The following SIPA1L3 variants were observed in gnomAD, a reference collection of about 807,000 sequenced individuals.
SIPA1L3 encodes the protein signal induced proliferation associated 1 like 3.
SIPA1L3 carries 59 observed loss-of-function variants against 150.1 expected under a neutral mutation model. The observed-to-expected ratio is 0.39, with a 90% CI of 0.32 to 0.49. The LOEUF is 0.49. SIPA1L3 is among the 20% of genes least tolerant of loss of function. The probability of loss-of-function intolerance (pLI) is 0.86; values close to 1 mark genes in which losing one functional copy is unlikely to be tolerated. For missense variants in SIPA1L3, 2,211 were observed against 2,489.5 expected, an observed-to-expected ratio of 0.89 and a Z score of 2.38; for synonymous variants, 1,070 against 1,077.6, an observed-to-expected ratio of 0.99 and a Z score of 0.14.
intron 1 of SIPA1L3, among the ~76,000 whole-genome samples, chr19:37,970,642 A>G (rs1417470770): frequency 6.6e-6 from 1 of 151,776 alleles, no homozygotes; most frequent in Non-Finnish European, 1.5e-5. Flanking sequence ...AGGCGGTTGA[A>G]CCCTCCTCTC....
rs1281436172 is a variant in SIPA1L3, at chr19:38,208,025, G to A, written c.*1785G>A. 4 of 40,142 alleles carry A rather than the reference G, an allele frequency of 1.0e-4. No homozygotes were observed. Among genetic ancestry groups the A allele is most frequent in the South Asian group, 8.3e-4 (1 of 1,206 alleles). The allele number at this position is 40,142 out of a possible 1,614,324, so 2.5% of individuals were successfully genotyped here. ...CACCCCCACCCCTTAGACCCTCATC[G>A]GGTCCCTTTTTTTTTTTTTTTTTCA... On this transcript the variant is annotated 3_prime_UTR_variant, in exon 22 of 22. Transcript: ENST00000222345.
chr19:37,965,317 G>GTTTTTTTTTTTT (rs566071263), intron 1 of SIPA1L3, among the ~76,000 whole-genome samples: 1 of 133,698 alleles, frequency 7.5e-6, no homozygotes, highest in African/African-American at 2.8e-5. Context: ...TATATTTCTA[G>GTTTTTTTTTTTT]TTTTTTTTTT....
intron 1 of SIPA1L3, among the ~76,000 whole-genome samples, chr19:38,010,971 G>A (rs192676245): frequency 1.8e-4 from 27 of 152,266 alleles, no homozygotes; most frequent in Non-Finnish European, 3.8e-4. Context: ...ACACAGAAAC[G>A]TCTCTCCTTA....
chr19:38,182,034 C>T (rs1436523034), intron 15 of SIPA1L3, among the ~76,000 whole-genome samples: 3 of 147,162 alleles, frequency 2.0e-5, no homozygotes, highest in Non-Finnish European at 4.5e-5. Context: ...CCCAGCTACT[C>T]GGAGGCTGAG....
intron 4 of SIPA1L3, among the ~76,000 whole-genome samples, chr19:38,094,760 C>T (rs569246183): frequency 4.0e-4 from 61 of 152,030 alleles, no homozygotes; most frequent in Non-Finnish European, 7.5e-4. Context: ...TAGCGAGACC[C>T]CATCTCTATT....
chr19:37,911,866 C>G (rs922733881), intron 1 of SIPA1L3, among the ~76,000 whole-genome samples: 2 of 151,558 alleles, frequency 1.3e-5, no homozygotes, highest in African/African-American at 4.9e-5. Flanking sequence ...CTCAGGAGAT[C>G]GAGACCATCC....
chr19:38,014,451 C>G, intron 1 of SIPA1L3, among the ~76,000 whole-genome samples: 1 of 151,594 alleles, frequency 6.6e-6, no homozygotes, highest in East Asian at 1.9e-4. Context: ...GCTGAAGGTT[C>G]TGGGGGCAGA....
intron 1 of SIPA1L3, among the ~76,000 whole-genome samples, chr19:37,923,136 CAAAA>C (rs200934890): frequency 1.6e-5 from 2 of 122,604 alleles, no homozygotes; most frequent in African/African-American, 3.0e-5. Flanking sequence ...GACTCCATCT[CAAAA>C]AAAAAAAAAA....
At chr19:37,967,389 G>A (rs113422661) in intron 1 of SIPA1L3, among the ~76,000 whole-genome samples, 22,675 of 151,840 alleles carry the variant, frequency 0.15, 1,906 homozygotes, top group Middle Eastern at 0.28. Flanking sequence ...GAGTAGCTGG[G>A]ATTACAGGCG....
rs965290215 is a variant in SIPA1L3, at chr19:38,203,842, A to C, written c.5121-285A>C. On this transcript the variant is annotated intron_variant, in intron 20 of 21. Coordinates refer to ENST00000222345, the MANE Select transcript of SIPA1L3 (RefSeq NM_015073.3). The stretch of plus-strand genomic sequence containing the variant: ...AAGAAGGGGTCCTCCCTGAAGTCAC[A>C]TGCACGGCCCAGCCTCAGGGAAAAC... 5.1e-5 allele frequency: 21 copies of C among 415,726 alleles called. 1 individual carries two copies. Among genetic ancestry groups the C allele is most frequent in the South Asian group, 2.5e-4 (7 of 28,130 alleles). The allele number at this position is 415,726 out of a possible 1,614,324, so 25.8% of individuals were successfully genotyped here. A position where few individuals can be genotyped will look rare whatever the true frequency, so the allele number is the denominator to read the frequency against.
intron 1 of SIPA1L3, among the ~76,000 whole-genome samples, chr19:38,010,220 A>T (rs1968063542): frequency 6.6e-6 from 1 of 151,756 alleles, no homozygotes; most frequent in African/African-American, 2.4e-5. Context: ...GGGCAATATA[A>T]GGAGACTCTG....
rs150494269 is a variant in SIPA1L3, at chr19:37,957,358, A to G, written c.-379+50000A>G. On this transcript the variant is annotated intron_variant, in intron 1 of 21. Transcript: ENST00000222345. ...GACTGTGTGTTGACTCTACATGTCA[A>G]TATGGTGAGAATTGCCATATTAATG... Among the ~76,000 whole-genome samples, 4 of 152,364 alleles carry G rather than the reference A, an allele frequency of 2.6e-5. No homozygotes were observed. The East Asian group carries it at 5.8e-4, about 22-fold the overall frequency.
At chr19:37,998,351 A>G (rs1486362983) in intron 1 of SIPA1L3, among the ~76,000 whole-genome samples, 2 of 152,176 alleles carry the variant, frequency 1.3e-5, no homozygotes, top group Non-Finnish European at 2.9e-5. Flanking sequence ...TTCCAGGAGT[A>G]TGTGGTAGGA....
chr19:38,084,612 T>G (rs1970083007), intron 3 of SIPA1L3, among the ~76,000 whole-genome samples: 1 of 149,930 alleles, frequency 6.7e-6, no homozygotes, highest in African/African-American at 2.4e-5. Flanking sequence ...AGCTAGGTTT[T>G]TTTTTGTTGT....
At chr19:38,002,145 A>G (rs1259560421) in intron 1 of SIPA1L3, among the ~76,000 whole-genome samples, 1 of 152,216 alleles carries the variant, frequency 6.6e-6, no homozygotes, top group Admixed American at 6.5e-5. Context: ...ATCCATCCAC[A>G]GAACATTTTT....
At chr19:38,065,948 T>TATTTATTA (rs1969575050) in intron 2 of SIPA1L3, among the ~76,000 whole-genome samples, 2 of 146,662 alleles carry the variant, frequency 1.4e-5, no homozygotes, top group South Asian at 4.2e-4. Context: ...TTTATTTATT[T>TATTTATTA]TTGAGGCAAC....
intron 2 of SIPA1L3, among the ~76,000 whole-genome samples, chr19:38,051,451 G>A (rs898209710): frequency 6.6e-6 from 1 of 152,172 alleles, no homozygotes; most frequent in Non-Finnish European, 1.5e-5. Context: ...ACTGGAGCCA[G>A]AATTGCTGGG....
intron 7 of SIPA1L3, chr19:38,108,769 C>G (rs751758023): frequency 1.3e-5 from 2 of 152,282 alleles, no homozygotes; most frequent in Non-Finnish European, 2.9e-5. Context: ...GCGGAGAGAT[C>G]ACCTGAGGTC....
chr19:38,170,604 G>T (rs1448672844), intron 15 of SIPA1L3, among the ~76,000 whole-genome samples: 1 of 152,200 alleles, frequency 6.6e-6, no homozygotes, highest in Non-Finnish European at 1.5e-5. Context: ...CGGGGCCTCT[G>T]CAGGGAGCTG....
Sources: allele counts gnomAD v4.1 joint callset (sites outside exome capture counted in the v4.1 genomes callset), GRCh38; gene constraint gnomAD v4.1.1; transcripts MANE v1.5; gene names NCBI Gene and HGNC (gene_info 2026-07-23, HGNC 2026-07-21).